Variants in ZNF438 observed in about 807,000 individuals in gnomAD.
The protein encoded by ZNF438 is zinc finger protein 438.
A neutral mutation model predicts 38.0 loss-of-function variants in ZNF438; 25 were observed. That is an observed-to-expected ratio of 0.66 (90% CI 0.48 to 0.92). The LOEUF (loss-of-function observed/expected upper bound fraction) is 0.92, where lower values mean the gene tolerates loss of function less well. Among genes scored for constraint, ZNF438 ranks in the 40% least tolerant of loss-of-function variants. ZNF438 has a pLI of 0.00. For missense variants in ZNF438, 1,007 were observed against 999.6 expected (o/e 1.01, Z -0.10); for synonymous variants, 372 against 364.1 (o/e 1.02, Z -0.25).
At chr10:31,022,658 C>T (rs1254977276) in intron 1 of ZNF438, among the ~76,000 whole-genome samples, 2 of 152,158 alleles carry the variant, frequency 1.3e-5, no homozygotes, top group Non-Finnish European at 2.9e-5. Flanking sequence ...CTGCAGCCAG[C>T]GTTGGTCAAC....
At position 30,889,805 on chromosome 10, in the gene ZNF438, C is replaced by T. The variant is rs114913328; in HGVS notation, c.-31-12740G>A. 9.9e-3 allele frequency among the ~76,000 whole-genome samples: 1,507 copies of T among 152,184 alleles called. 23 individuals are homozygous for T. Among genetic ancestry groups the T allele is most frequent in the African/African-American group, 0.034 (1,401 of 41,520 alleles). ...CTCAGGTATGCAATGAGTTAAAAAC[C>T]TGGGGAACTGAGTGGGGAGATGTAC... is the stretch of plus-strand genomic sequence containing the variant. On this transcript the variant is annotated intron_variant, in intron 3 of 5. Coordinates refer to ENST00000413025, the Ensembl canonical transcript of ZNF438.
chr10:31,030,572 T>C (rs1309371734), intron 1 of ZNF438, among the ~76,000 whole-genome samples: 1 of 152,230 alleles, frequency 6.6e-6, no homozygotes, highest in African/African-American at 2.4e-5. Context: ...AGTTCCAAGT[T>C]TGCGTGACTT....
intron 4 of ZNF438, among the ~76,000 whole-genome samples, chr10:30,870,634 C>A (rs1465544613): frequency 6.6e-6 from 1 of 152,078 alleles, no homozygotes; most frequent in African/African-American, 2.4e-5. Context: ...AAAATTAACC[C>A]TGTCTATTAA....
chr10:30,875,814 G>C (rs941306750), intron 4 of ZNF438, among the ~76,000 whole-genome samples: 1 of 152,218 alleles, frequency 6.6e-6, no homozygotes, highest in Non-Finnish European at 1.5e-5. Flanking sequence ...GGCCTTCCAA[G>C]GCCATTAGGC....
At chr10:31,019,926 A>G (rs760211137) in intron 1 of ZNF438, among the ~76,000 whole-genome samples, 1 of 152,212 alleles carries the variant, frequency 6.6e-6, no homozygotes, top group Non-Finnish European at 1.5e-5. Context: ...AAAAAATGCA[A>G]ATTAAAATTT....
intron 1 of ZNF438, among the ~76,000 whole-genome samples, chr10:30,951,921 A>G (rs2048251767): frequency 1.3e-5 from 2 of 151,952 alleles, no homozygotes; most frequent in Admixed American, 6.6e-5. Flanking sequence ...ATATGGAACC[A>G]AAAAAGAGCC....
intron 4 of ZNF438, among the ~76,000 whole-genome samples, chr10:30,870,754 G>T (rs1439173766): frequency 1.3e-5 from 2 of 152,144 alleles, no homozygotes; most frequent in African/African-American, 4.8e-5. Context: ...TATCGCCTAG[G>T]AACAAATGGC....
intron 1 of ZNF438, among the ~76,000 whole-genome samples, chr10:30,947,271 T>C (rs1215010297): frequency 6.6e-6 from 1 of 152,216 alleles, no homozygotes; most frequent in African/African-American, 2.4e-5. Context: ...GAACCTGCCC[T>C]TTTCTCTGGC....
intron 1 of ZNF438, among the ~76,000 whole-genome samples, chr10:31,028,168 G>A (rs545530540): frequency 1.8e-4 from 27 of 151,724 alleles, no homozygotes; most frequent in African/African-American, 2.9e-4. Flanking sequence ...CAATGTTAGA[G>A]ATGGTCAGCA....
chr10:30,905,387 C>T (rs541114592), intron 3 of ZNF438, among the ~76,000 whole-genome samples: 1 of 152,242 alleles, frequency 6.6e-6, no homozygotes, highest in Admixed American at 6.5e-5. Flanking sequence ...TTCATGTGCT[C>T]ATTGGCAATT....
At chr10:30,858,179 C>G (rs2133062698) in intron 4 of ZNF438, among the ~76,000 whole-genome samples, 1 of 152,344 alleles carries the variant, frequency 6.6e-6, no homozygotes, top group South Asian at 2.1e-4. Context: ...TCTGCCAAGT[C>G]TTGGTCACTA....
At chr10:31,024,858 A>T (rs1230611335) in intron 1 of ZNF438, among the ~76,000 whole-genome samples, 1 of 152,244 alleles carries the variant, frequency 6.6e-6, no homozygotes, top group Non-Finnish European at 1.5e-5. Flanking sequence ...AGCTAATTTA[A>T]CATATACAAC....
intron 1 of ZNF438, among the ~76,000 whole-genome samples, chr10:31,028,673 T>G (rs1297721209): frequency 6.6e-6 from 1 of 152,080 alleles, no homozygotes; most frequent in East Asian, 1.9e-4. Context: ...TTCCCACAGG[T>G]TTTTCCTCAT....
intron 4 of ZNF438, among the ~76,000 whole-genome samples, chr10:30,876,233 A>AT (rs2038395824): frequency 6.6e-6 from 1 of 152,176 alleles, no homozygotes; most frequent in Admixed American, 6.5e-5. Flanking sequence ...TAAAAGCTAC[A>AT]TGTTCCACTA....
At chr10:30,944,104 C>T (rs192211815) in intron 1 of ZNF438, among the ~76,000 whole-genome samples, 7 of 152,112 alleles carry the variant, frequency 4.6e-5, no homozygotes, top group Non-Finnish European at 8.8e-5. Context: ...AAGAGTAGGG[C>T]GTCACCTAAG....
intron 1 of ZNF438, among the ~76,000 whole-genome samples, chr10:31,007,463 G>C (rs966899334): frequency 6.6e-6 from 1 of 151,944 alleles, no homozygotes; most frequent in African/African-American, 2.4e-5. Flanking sequence ...TGTATTTTTA[G>C]TTGAGACAGG....
intron 1 of ZNF438, among the ~76,000 whole-genome samples, chr10:30,990,158 C>T (rs1045716754): frequency 3.3e-5 from 5 of 151,662 alleles, no homozygotes; most frequent in Non-Finnish European, 7.4e-5. Context: ...GATAGAGAAC[C>T]AATTCATTAT....
chr10:30,891,059 G>A (rs2040622150), intron 3 of ZNF438, among the ~76,000 whole-genome samples: 1 of 152,282 alleles, frequency 6.6e-6, no homozygotes, highest in South Asian at 2.1e-4. Flanking sequence ...TGCTTTTATT[G>A]TGGAAACAAT....
chr10:30,931,784 G>T (rs1403411715), intron 2 of ZNF438, among the ~76,000 whole-genome samples: 2 of 152,134 alleles, frequency 1.3e-5, no homozygotes, highest in East Asian at 1.9e-4. Context: ...TGTTAATAAA[G>T]ATCAAGTTGT....
Sources: allele counts gnomAD v4.1 joint callset (sites outside exome capture counted in the v4.1 genomes callset), GRCh38; gene constraint gnomAD v4.1.1; transcripts MANE v1.5; gene names NCBI Gene and HGNC (gene_info 2026-07-23, HGNC 2026-07-21).